Variants in AHCY observed in about 807,000 individuals in gnomAD.
AHCY encodes S-adenosyl-L-homocysteine hydrolase.
In AHCY, 24 loss-of-function variants were observed where a neutral mutation model predicts 45.4. That is an observed-to-expected ratio of 0.53 (90% CI 0.38 to 0.74). AHCY has a LOEUF of 0.74. Ranked by LOEUF, AHCY falls within the 30% of genes least tolerant of loss-of-function variation. The probability of loss-of-function intolerance (pLI) is 0.00; values close to 1 mark genes in which losing one functional copy is unlikely to be tolerated. For missense variants in AHCY, 449 were observed against 594.1 expected, an observed-to-expected ratio of 0.76 and a Z score of 2.54; for synonymous variants, 245 against 235.1, an observed-to-expected ratio of 1.04 and a Z score of -0.39.
In AHCY at chr20:34,296,796, A is replaced by AG. The variant is rs2036590527; in HGVS notation, c.29-1212dup. Among the ~76,000 whole-genome samples, 16 of 152,362 alleles carry AG rather than the reference A, an allele frequency of 1.1e-4. No individual in the cohort carries two copies. The South Asian group carries it at 3.3e-3, about 32-fold the overall frequency. On this transcript the variant is annotated intron_variant, in intron 1 of 9. Coordinates refer to ENST00000217426, the MANE Select transcript of AHCY (RefSeq NM_000687.4). The stretch of plus-strand genomic sequence containing the variant: ...GATCCTGCCAAACACCCAAAGAGGT[A>AG]GGCGGTGGGAGGCAAAGGACTCTGT...
At chr20:34,271,140 C>T in the AHCY span, among the ~76,000 whole-genome samples, 8 of 152,110 alleles carry the variant, frequency 5.3e-5, no homozygotes, top group Non-Finnish European at 1.2e-4. Context: ...CAGGGTTTCG[C>T]CATGATGGCC....
At chr20:34,243,001 C>T in the AHCY span, among the ~76,000 whole-genome samples, 5 of 152,236 alleles carry the variant, frequency 3.3e-5, no homozygotes, top group Non-Finnish European at 5.9e-5. Flanking sequence ...ATAAAACAGC[C>T]TAAAGGGAAT....
At chr20:34,262,043 G>A in the AHCY span, among the ~76,000 whole-genome samples, 5 of 151,920 alleles carry the variant, frequency 3.3e-5, no homozygotes, top group African/African-American at 1.2e-4. Flanking sequence ...AACCCAGGAG[G>A]CAGAAGTCAC....
At chr20:34,254,134 C>T in the AHCY span, among the ~76,000 whole-genome samples, 2 of 152,190 alleles carry the variant, frequency 1.3e-5, no homozygotes, top group African/African-American at 4.8e-5. Context: ...ACAATCTTTG[C>T]TCACTGCAAC....
At chr20:34,264,280 C>A in the AHCY span, among the ~76,000 whole-genome samples, 1 of 152,124 alleles carries the variant, frequency 6.6e-6, no homozygotes, top group African/African-American at 2.4e-5. Context: ...TACTGTACTA[C>A]CATCATAATT....
chr20:34,284,779 C>T (rs1423330526), intron 9 of AHCY, among the ~76,000 whole-genome samples: 1 of 152,126 alleles, frequency 6.6e-6, no homozygotes, highest in South Asian at 2.1e-4. Context: ...GCCGAGATCA[C>T]GTCACTGCAC....
At chr20:34,310,794 C>G (rs185364057) in intron 1 of AHCY, among the ~76,000 whole-genome samples, 240 of 152,334 alleles carry the variant, frequency 1.6e-3, no homozygotes, top group Non-Finnish European at 2.7e-3. Context: ...CGCCACTGCA[C>G]TCTGCCTGGG....
At chr20:34,295,668 CA>C in intron 1 of AHCY, 83 bp from the exon 2 acceptor site, 1 of 1,389,144 alleles carries the variant, frequency 7.2e-7, no homozygotes, top group Non-Finnish European at 1.0e-6. Flanking sequence ...GACCCCGATC[CA>C]CGTGTGGACT....
At chr20:34,267,459 CAAAAAAAAAAA>C in the AHCY span, among the ~76,000 whole-genome samples, 2 of 46,280 alleles carry the variant, frequency 4.3e-5, no homozygotes, top group Admixed American at 2.6e-4. Context: ...AACTGGCTCT[CAAAAAAAAAAA>C]AAAAAAAAAA....
At chr20:34,309,110 C>T (rs533259979) in intron 1 of AHCY, among the ~76,000 whole-genome samples, 37 of 151,682 alleles carry the variant, frequency 2.4e-4, no homozygotes, top group Admixed American at 2.1e-3. Context: ...CAGGCATGCA[C>T]CACCACACCC....
chr20:34,286,864 C>T (rs1449064574), intron 8 of AHCY, among the ~76,000 whole-genome samples: 1 of 149,116 alleles, frequency 6.7e-6, no homozygotes, highest in Non-Finnish European at 1.5e-5. Flanking sequence ...AAAAAAGATA[C>T]CTTGGCCTCA....
chr20:34,309,747 C>T (rs1219098610), intron 1 of AHCY, among the ~76,000 whole-genome samples: 1 of 152,030 alleles, frequency 6.6e-6, no homozygotes, highest in Non-Finnish European at 1.5e-5. Flanking sequence ...TGCCATTGCA[C>T]TCCAGCCTGG....
the AHCY span, among the ~76,000 whole-genome samples, chr20:34,268,500 A>T: frequency 6.6e-6 from 1 of 152,204 alleles, no homozygotes; most frequent in African/African-American, 2.4e-5. Flanking sequence ...AGGCAGGCAG[A>T]TCACTTTAGC....
chr20:34,298,605 C>CGGGGGGGGGGG (rs1469112892), intron 1 of AHCY, among the ~76,000 whole-genome samples: 1 of 31,280 alleles, frequency 3.2e-5, no homozygotes, highest in Non-Finnish European at 6.7e-5. Flanking sequence ...GTGGCGGCGG[C>CGGGGGGGGGGG]GGGAGGGGGG....
chr20:34,302,555 C>T (rs2036813766), intron 1 of AHCY: 7 of 937,520 alleles, frequency 7.5e-6, no homozygotes, highest in Non-Finnish European at 8.9e-6. Context: ...TAGAATAAAG[C>T]TAGAAGGCAG....
At chr20:34,301,024 G>A (rs2036752341) in intron 1 of AHCY, among the ~76,000 whole-genome samples, 1 of 152,170 alleles carries the variant, frequency 6.6e-6, no homozygotes, top group South Asian at 2.1e-4. Flanking sequence ...AGAACTGAAT[G>A]AAAGATCCAT....
chr20:34,307,409 GT>G (rs1204397796), upstream of AHCY, among the ~76,000 whole-genome samples: 15 of 151,220 alleles, frequency 9.9e-5, no homozygotes, highest in Non-Finnish European at 2.1e-4. Flanking sequence ...TTTCGCTCTT[GT>G]TGCCCAGGCT....
chr20:34,232,376 T>G, the AHCY span, among the ~76,000 whole-genome samples: 1 of 152,204 alleles, frequency 6.6e-6, no homozygotes, highest in East Asian at 1.9e-4. Flanking sequence ...TCTTGACTTC[T>G]TGAGAGATTT....
At chr20:34,252,670 T>C in the AHCY span, among the ~76,000 whole-genome samples, 12 of 152,180 alleles carry the variant, frequency 7.9e-5, no homozygotes, top group Admixed American at 6.5e-4. Context: ...CCTCTTTCAC[T>C]ACTCCCCCTC....
Sources: allele counts gnomAD v4.1 joint callset (sites outside exome capture counted in the v4.1 genomes callset), GRCh38; gene constraint gnomAD v4.1.1; transcripts MANE v1.5; gene names NCBI Gene and HGNC (gene_info 2026-07-23, HGNC 2026-07-21).